The following LRP1B variants were observed in gnomAD, a reference collection of about 807,000 sequenced individuals.
LRP1B encodes low-density lipoprotein receptor-related protein 1B.
A neutral mutation model predicts 556.6 loss-of-function variants in LRP1B; 217 were observed. The observed-to-expected ratio is 0.39, with a 90% CI of 0.35 to 0.44. The LOEUF is 0.44. Ranked by LOEUF, LRP1B falls within the 20% of genes least tolerant of loss-of-function variation. The pLI is 1.00. For missense variants in LRP1B, 5,053 were observed against 5,620.8 expected (o/e 0.90, Z 3.23); for synonymous variants, 2,047 against 1,865.8 (o/e 1.10, Z -2.50).
chr2:140,580,740 G>C (rs766877332), intron 43 of LRP1B, among the ~76,000 whole-genome samples: 1 of 152,136 alleles, frequency 6.6e-6, no homozygotes, highest in African/African-American at 2.4e-5. Flanking sequence ...TGAGTTAATG[G>C]CTTTTTATCT....
chr2:141,443,997 C>T (rs1001658607), intron 3 of LRP1B, among the ~76,000 whole-genome samples: 2 of 152,024 alleles, frequency 1.3e-5, no homozygotes, highest in Admixed American at 6.6e-5. Context: ...ATGGGTATAG[C>T]ACTGAATCTA....
At position 140,233,246 on chromosome 2, in the gene LRP1B, A is replaced by G. The variant is rs1412387680; in HGVS notation, c.13740T>C (p.Asp4580=). Residue 4580 remains aspartate (D), a synonymous_variant, in exon 91 of 91, where the codon GAT becomes GAC. Coordinates refer to ENST00000389484, the MANE Select transcript of LRP1B (RefSeq NM_018557.3). ...QNCRNSLGSV[D]ERKELLPKKI... is the part of the protein sequence containing the mutation. ...TCTTTGGAAGCAGTTCTTTCCTTTC[A>G]TCAACACTTCCTAAGGAGTTTCGAC... 6.2e-7 allele frequency: 1 copy of G among 1,606,056 alleles called. No homozygotes were observed. Among genetic ancestry groups the G allele is most frequent in the Non-Finnish European group, 8.5e-7 (1 of 1,174,656 alleles).
chr2:140,780,374 T>G (rs116190798), intron 32 of LRP1B, among the ~76,000 whole-genome samples: 3 of 152,018 alleles, frequency 2.0e-5, no homozygotes, highest in Non-Finnish European at 4.4e-5. Context: ...GGGCTGGCTG[T>G]CTGACTAAAG....
intron 67 of LRP1B, among the ~76,000 whole-genome samples, chr2:140,380,290 C>A (rs546625876): frequency 3.7e-4 from 57 of 152,110 alleles, no homozygotes; most frequent in Non-Finnish European, 3.5e-4. Context: ...GCTTCCCATA[C>A]AATTGAGGAA....
chr2:141,619,399 T>C (rs991161789), intron 2 of LRP1B, among the ~76,000 whole-genome samples: 9 of 152,188 alleles, frequency 5.9e-5, no homozygotes, highest in Non-Finnish European at 1.2e-4. Flanking sequence ...AAATGTTTGT[T>C]AAAATAATAA....
chr2:141,169,331 TAAATAAAGA>T (rs562412601), intron 7 of LRP1B, among the ~76,000 whole-genome samples: 2 of 145,030 alleles, frequency 1.4e-5, no homozygotes, highest in East Asian at 2.0e-4. Flanking sequence ...AATAAATAAA[TAAATAAAGA>T]AGAGATGGGA....
At chr2:141,368,584 A>G (rs918867724) in intron 3 of LRP1B, among the ~76,000 whole-genome samples, 2 of 152,236 alleles carry the variant, frequency 1.3e-5, no homozygotes, top group African/African-American at 2.4e-5. Flanking sequence ...CTAAATGTCA[A>G]TGCATAATGG....
chr2:141,522,084 T>A (rs1193130875), intron 2 of LRP1B, among the ~76,000 whole-genome samples: 2 of 152,118 alleles, frequency 1.3e-5, no homozygotes, highest in Non-Finnish European at 2.9e-5. Context: ...GTCCACAAAG[T>A]GTGGCTCATA....
At chr2:141,651,915 T>C (rs1045783195) in intron 2 of LRP1B, among the ~76,000 whole-genome samples, 1 of 152,184 alleles carries the variant, frequency 6.6e-6, no homozygotes, top group Non-Finnish European at 1.5e-5. Flanking sequence ...TATATCTCAG[T>C]TGAAAATATT....
chr2:140,623,956 G>GTGTGTA (rs1339496296), intron 41 of LRP1B, among the ~76,000 whole-genome samples: 2 of 106,436 alleles, frequency 1.9e-5, no homozygotes, highest in Admixed American at 1.1e-4. Flanking sequence ...TTTTATTTAT[G>GTGTGTA]TATATATATA....
At chr2:141,126,576 A>G (rs139441845) in intron 7 of LRP1B, among the ~76,000 whole-genome samples, 2,195 of 152,158 alleles carry the variant, frequency 0.014, 22 homozygotes, top group Middle Eastern at 0.048. Context: ...CTCAGTCCCC[A>G]AAACTTTTTC....
intron 41 of LRP1B, among the ~76,000 whole-genome samples, chr2:140,658,835 G>A (rs1226795865): frequency 6.6e-6 from 1 of 151,986 alleles, no homozygotes; most frequent in Non-Finnish European, 1.5e-5. Flanking sequence ...ACAGTGAGCT[G>A]GAAATGCAGT....
chr2:141,853,503 A>G (rs1367752613), intron 1 of LRP1B, among the ~76,000 whole-genome samples: 1 of 151,714 alleles, frequency 6.6e-6, no homozygotes. Flanking sequence ...CTATTAGTCA[A>G]AATTTTGAAG....
In LRP1B at chr2:141,417,758, A is replaced by ATTTTTT. The variant is rs56660575; in HGVS notation, c.343+62632_343+62637dup. 2.9e-5 allele frequency among the ~76,000 whole-genome samples: 4 copies of ATTTTTT among 136,364 alleles called. 1 individual carries two copies. The highest frequency in any genetic ancestry group is 7.4e-5 in the Admixed American group (1 of 13,466). The allele number at this position is 136,364 out of a possible 152,430, so 89.5% of individuals were successfully genotyped here. A position where few individuals can be genotyped will look rare whatever the true frequency, so the allele number is the denominator to read the frequency against. On this transcript the variant is annotated intron_variant, in intron 3 of 90. Coordinates refer to ENST00000389484, the MANE Select transcript of LRP1B (RefSeq NM_018557.3). ...TATTGCTGCATCATATGGTAGTTCT[A>ATTTTTT]TTTTTTTTTTTTTTTTTTTACAAAT...
At chr2:141,477,324 CA>C (rs1165698726) in intron 3 of LRP1B, among the ~76,000 whole-genome samples, 1 of 149,080 alleles carries the variant, frequency 6.7e-6, no homozygotes, top group East Asian at 2.0e-4. Context: ...AAAGAATTTC[CA>C]AAAAGAAAGG....
At chr2:140,351,643 AATGTCAT>A in intron 76 of LRP1B, among the ~76,000 whole-genome samples, 1 of 152,180 alleles carries the variant, frequency 6.6e-6, no homozygotes, top group East Asian at 1.9e-4. Context: ...ATAGAGTACT[AATGTCAT>A]TTTCATACTA....
At chr2:141,714,472 A>T (rs1692495735) in intron 2 of LRP1B, among the ~76,000 whole-genome samples, 4 of 143,740 alleles carry the variant, frequency 2.8e-5, no homozygotes, top group East Asian at 2.0e-4. Flanking sequence ...CCTATATTTT[A>T]AGTATTTTTT....
At chr2:141,752,983 G>A (rs1372332994) in intron 2 of LRP1B, among the ~76,000 whole-genome samples, 4 of 120,916 alleles carry the variant, frequency 3.3e-5, no homozygotes, top group Admixed American at 9.0e-5. Flanking sequence ...GCGGTGGCTC[G>A]AACACCTGTA....
chr2:141,921,017 C>T (rs1700171948), intron 1 of LRP1B, among the ~76,000 whole-genome samples: 1 of 151,990 alleles, frequency 6.6e-6, no homozygotes, highest in African/African-American at 2.4e-5. Context: ...CCCCTAGCAG[C>T]CCAATCACAT....
Sources: gnomAD v4.1 joint callset for allele counts (sites outside exome capture counted in the v4.1 genomes callset) on GRCh38, gnomAD v4.1.1 for gene constraint, MANE v1.5 for transcripts, NCBI Gene and HGNC (gene_info 2026-07-23, HGNC 2026-07-21) for gene names.